The following CTNNA3 variants were observed in gnomAD, a reference collection of about 807,000 sequenced individuals.
The protein encoded by CTNNA3 is catenin alpha 3, also known as catenin alpha-3.
In CTNNA3, 76 loss-of-function variants were observed where a neutral mutation model predicts 95.7. The ratio of observed to expected loss-of-function variants is 0.79; its 90% CI spans 0.66 to 0.96. CTNNA3 has a LOEUF of 0.96. Ranked by LOEUF, CTNNA3 falls within the 40% of genes least tolerant of loss-of-function variation. CTNNA3 has a pLI of 0.00. For missense variants in CTNNA3, 1,191 were observed against 1,089.8 expected, an observed-to-expected ratio of 1.09 and a Z score of -1.31; for synonymous variants, 431 against 374.4, an observed-to-expected ratio of 1.15 and a Z score of -1.74.
intron 15 of CTNNA3, among the ~76,000 whole-genome samples, chr10:66,028,339 C>G (rs1243866662): frequency 6.6e-6 from 1 of 152,114 alleles, no homozygotes; most frequent in African/African-American, 2.4e-5. Flanking sequence ...AGACTTGGAA[C>G]CAACCCAAAT....
At chr10:67,580,528 C>T (rs1019917612) in intron 3 of CTNNA3, among the ~76,000 whole-genome samples, 4 of 151,666 alleles carry the variant, frequency 2.6e-5, no homozygotes, top group Non-Finnish European at 4.4e-5. Context: ...TTAGGATTGT[C>T]TTGGCGATGC....
Position 67,573,446 on chromosome 10 carries a change from C to T in CTNNA3, c.292+33411G>A, listed in dbSNP as rs10997729. Among the ~76,000 whole-genome samples the T allele has an allele frequency of 4.8e-3, 735 of 152,148 alleles. 24 individuals carry two copies. The East Asian group carries it at 0.075, about 16-fold the overall frequency. On this transcript the variant is annotated intron_variant, in intron 3 of 17. Coordinates refer to ENST00000433211, the MANE Select transcript of CTNNA3 (RefSeq NM_013266.4). Reference sequence around the variant, plus strand: ...ATAGCTTATGTTTTCTTTTTTCACCCCCTTGAAATCAGACTATGAGACAGA... The same window carrying T: ...ATAGCTTATGTTTTCTTTTTTCACCTCCTTGAAATCAGACTATGAGACAGA...
At chr10:66,540,659 T>C (rs1275993171) in intron 10 of CTNNA3, among the ~76,000 whole-genome samples, 3 of 142,966 alleles carry the variant, frequency 2.1e-5, no homozygotes, top group Non-Finnish European at 4.5e-5. Context: ...TTCTCTTCCT[T>C]TCTCCCTTTC....
intron 9 of CTNNA3, among the ~76,000 whole-genome samples, chr10:66,762,973 C>A (rs1839660595): frequency 6.6e-6 from 1 of 152,002 alleles, no homozygotes; most frequent in East Asian, 1.9e-4. Flanking sequence ...AGCTTTTTCT[C>A]AAAGTCATTT....
At position 66,226,381 on chromosome 10, in the gene CTNNA3, T is replaced by C. The variant is rs568616328; in HGVS notation, c.1884+54089A>G. On this transcript the variant is annotated intron_variant, in intron 13 of 17. Transcript: ENST00000433211. ...GGCTATACATACGTGGATTTATTTCTGGGTTCTCTATTCTGTTCCATTTGT... is the reference window on the plus strand; with the variant it reads ...GGCTATACATACGTGGATTTATTTCCGGGTTCTCTATTCTGTTCCATTTGT... Among the ~76,000 whole-genome samples the C allele has an allele frequency of 1.7e-4, 26 of 152,300 alleles. 1 individual carries two copies. Among genetic ancestry groups the C allele is most frequent in the Admixed American group, 1.7e-3 (26 of 15,290 alleles).
At chr10:66,921,107 G>A (rs897706233) in intron 7 of CTNNA3, among the ~76,000 whole-genome samples, 1 of 152,180 alleles carries the variant, frequency 6.6e-6, no homozygotes, top group Non-Finnish European at 1.5e-5. Flanking sequence ...CAAAATGAAG[G>A]TAACAGAAGA....
At chr10:67,408,932 A>G (rs1845257541) in intron 5 of CTNNA3, among the ~76,000 whole-genome samples, 1 of 151,968 alleles carries the variant, frequency 6.6e-6, no homozygotes, top group Admixed American at 6.6e-5. Flanking sequence ...GACTGAACAG[A>G]CACTTCTCAA....
intron 13 of CTNNA3, among the ~76,000 whole-genome samples, chr10:66,177,813 A>C (rs1381927763): frequency 6.6e-6 from 1 of 152,020 alleles, no homozygotes; most frequent in African/African-American, 2.4e-5. Context: ...GTAACTAAAA[A>C]ATCTATGCAT....
chr10:67,600,195 A>C (rs757571867), intron 3 of CTNNA3, among the ~76,000 whole-genome samples: 1 of 152,110 alleles, frequency 6.6e-6, no homozygotes, highest in Admixed American at 6.5e-5. Context: ...CAAAAAAAAT[A>C]TGACCTCTAA....
chr10:67,047,312 T>C (rs1854814222), intron 7 of CTNNA3, among the ~76,000 whole-genome samples: 1 of 152,210 alleles, frequency 6.6e-6, no homozygotes, highest in African/African-American at 2.4e-5. Flanking sequence ...AATATGCTCC[T>C]CTTCTTTCCA....
At chr10:66,450,226 C>T (rs1000592860) in intron 11 of CTNNA3, among the ~76,000 whole-genome samples, 1 of 152,072 alleles carries the variant, frequency 6.6e-6, no homozygotes, top group African/African-American at 2.4e-5. Flanking sequence ...TTTATTTTCT[C>T]ATTTGATATT....
intron 5 of CTNNA3, among the ~76,000 whole-genome samples, chr10:67,512,940 G>A (rs1015008137): frequency 5.9e-5 from 9 of 152,090 alleles, no homozygotes; most frequent in African/African-American, 9.7e-5. Context: ...AGCCAAGATC[G>A]CGTCACTGAC....
chr10:66,983,397 T>G (rs1189934645), intron 7 of CTNNA3, among the ~76,000 whole-genome samples: 1 of 152,110 alleles, frequency 6.6e-6, no homozygotes, highest in Non-Finnish European at 1.5e-5. Flanking sequence ...TAGGCACTAG[T>G]GAGTTTTGTA....
chr10:67,042,788 T>C (rs888048718), intron 7 of CTNNA3, among the ~76,000 whole-genome samples: 9 of 152,150 alleles, frequency 5.9e-5, no homozygotes, highest in Non-Finnish European at 1.2e-4. Flanking sequence ...AAGAAGTCCA[T>C]GGTGTCAGTT....
chr10:66,103,638 T>G (rs1183484237), intron 13 of CTNNA3, among the ~76,000 whole-genome samples: 3 of 152,184 alleles, frequency 2.0e-5, no homozygotes, highest in Non-Finnish European at 4.4e-5. Context: ...GGCCACATAT[T>G]GTATGATCCT....
At chr10:66,145,605 C>G (rs2083843258) in intron 13 of CTNNA3, among the ~76,000 whole-genome samples, 1 of 152,138 alleles carries the variant, frequency 6.6e-6, no homozygotes, top group Non-Finnish European at 1.5e-5. Context: ...GAGGTAACCA[C>G]TGGTTCTCAA....
rs1241638519 is a variant in CTNNA3, at chr10:65,920,365, C to A, written c.2653G>T (p.Val885Phe). ...SAKKKIHPLQ[V>F]MSEFRGRQIY ...TGTCTTCCTCTAAATTCACTCATGA[C>A]TTGCAATGGATGGATTTTTTTCTTT... The change falls in exon 18 of 18, where the codon GTC becomes TTC. Residue 885 changes from valine (V) to phenylalanine (F), a missense_variant. Physicochemically the swap from Val to Phe is conservative, Grantham distance 50 (BLOSUM62 -1). Coordinates refer to ENST00000433211, the MANE Select transcript of CTNNA3 (RefSeq NM_013266.4). The A allele has an allele frequency of 6.2e-7, 1 of 1,613,976 alleles. No individual in the cohort carries two copies. The highest frequency in any genetic ancestry group is 8.5e-7 in the Non-Finnish European group (1 of 1,179,992).
chr10:66,812,398 T>C (rs962353706), intron 7 of CTNNA3, among the ~76,000 whole-genome samples: 1 of 152,174 alleles, frequency 6.6e-6, no homozygotes, highest in Admixed American at 6.6e-5. Context: ...TATTCTGCTA[T>C]GACAATAATG....
chr10:66,760,215 T>C (rs1276500718), intron 9 of CTNNA3, among the ~76,000 whole-genome samples: 3 of 152,168 alleles, frequency 2.0e-5, no homozygotes, highest in Non-Finnish European at 4.4e-5. Context: ...ATGACTTCCC[T>C]TTAGTCCCTT....
Sources: gnomAD v4.1 joint callset for allele counts (sites outside exome capture counted in the v4.1 genomes callset) on GRCh38, gnomAD v4.1.1 for gene constraint, MANE v1.5 for transcripts, NCBI Gene and HGNC (gene_info 2026-07-23, HGNC 2026-07-21) for gene names.